Variants in RAB11FIP3 observed in about 807,000 individuals in gnomAD.
The protein encoded by RAB11FIP3 is RAB11 family interacting protein 3.
A neutral mutation model predicts 77.8 loss-of-function variants in RAB11FIP3; 17 were observed. The observed-to-expected ratio is 0.22, with a 90% CI of 0.15 to 0.33. The LOEUF (loss-of-function observed/expected upper bound fraction) is 0.33. Ranked by LOEUF, RAB11FIP3 falls within the 10% of genes least tolerant of loss-of-function variation. The probability of loss-of-function intolerance (pLI) is 1.00; values close to 1 mark genes in which losing one functional copy is unlikely to be tolerated. For synonymous variants in RAB11FIP3, 437 were observed against 448.2 expected, an observed-to-expected ratio of 0.98 and a Z score of 0.31; for missense variants, 1,005 against 1,011.2, an observed-to-expected ratio of 0.99 and a Z score of 0.08.
chr16:459,020 CAT>C (rs1285224005), intron 1 of RAB11FIP3, among the ~76,000 whole-genome samples: 1 of 151,934 alleles, frequency 6.6e-6, no homozygotes, highest in African/African-American at 2.4e-5. Context: ...TATTTCAGTA[CAT>C]GTGTCTAAAA....
intron 9 of RAB11FIP3, among the ~76,000 whole-genome samples, chr16:515,331 G>C (rs2032350023): frequency 6.6e-6 from 1 of 152,256 alleles, no homozygotes; most frequent in African/African-American, 2.4e-5. Context: ...GAGGCGGAGA[G>C]TGGAACTTAG....
In RAB11FIP3 at chr16:426,258, C is replaced by G; in HGVS notation, c.252C>G (p.Asp84Glu). Residue 84 changes from aspartate to glutamate, a missense_variant, in exon 1 of 14, where the codon GAC (aspartate) becomes GAG (glutamate). Around this residue, in one of 4 missense-constraint regions of RAB11FIP3, gnomAD observed 466 missense variants for 408.3 expected, o/e 1.14. Transcript: ENST00000262305. This position sits in a 1 kb window ranked among gnomAD's most constrained non-coding sequence, Gnocchi z 5.0. ...CGGGGCTGGAGGGAGGCCCGCGAGA[C>G]CCCGGGCCGTCCGCCCCGCCGCCGC... The part of the protein sequence containing the change: ...PAPGLEGGPR[D>E]PGPSAPPPRS... 1 of 1,163,804 alleles carries G rather than the reference C, an allele frequency of 8.6e-7. No homozygotes were observed. 72.1% of individuals were successfully genotyped at this position (1,163,804 alleles called of 1,614,324 possible). A position where few individuals can be genotyped will look rare whatever the true frequency, so the allele number is the denominator to read the frequency against.
rs2055801605 is a variant in RAB11FIP3, at chr16:471,189, C to T, written c.809-106C>T. 1.1e-6 allele frequency: 1 copy of T among 899,548 alleles called. No homozygotes were observed. The highest frequency in any genetic ancestry group is 1.8e-6 in the Non-Finnish European group (1 of 560,982). The allele number at this position is 899,548 out of a possible 1,614,324, so 55.7% of individuals were successfully genotyped here. A position where few individuals can be genotyped will look rare whatever the true frequency, so the allele number is the denominator to read the frequency against. On this transcript the variant is annotated intron_variant, in intron 2 of 13. Coordinates refer to ENST00000262305, the MANE Select transcript of RAB11FIP3 (RefSeq NM_014700.4). The surrounding 1 kb of genome is among the most constrained non-coding windows in gnomAD (Gnocchi z 4.4). ...CCCCCCAGGGCCCCCAACTCCCACA[C>T]ATCTGTCCCTGGGGGCCTCCTTCCC...
chr16:458,019 A>T (rs1354182088), intron 1 of RAB11FIP3, among the ~76,000 whole-genome samples: 2 of 152,246 alleles, frequency 1.3e-5, no homozygotes, highest in African/African-American at 4.8e-5. Flanking sequence ...GAGCCCTAGG[A>T]TTGGGGCGAT....
At chr16:429,314 T>C (rs1358428851) in intron 1 of RAB11FIP3, among the ~76,000 whole-genome samples, 2 of 152,074 alleles carry the variant, frequency 1.3e-5, no homozygotes, top group South Asian at 4.1e-4. Flanking sequence ...AAGATACCGA[T>C]TCTTTTAAAG....
Position 521,494 on chromosome 16 carries a change from C to A in RAB11FIP3, c.*655C>A, listed in dbSNP as rs1389392145. 6.5e-6 allele frequency: 1 copy of A among 153,412 alleles called. No homozygotes were observed. Among genetic ancestry groups the A allele is most frequent in the African/African-American group, 2.4e-5 (1 of 41,490 alleles). The allele number at this position is 153,412 out of a possible 1,614,324, so 9.5% of individuals were successfully genotyped here. On this transcript the variant is annotated 3_prime_UTR_variant, in exon 14 of 14. Coordinates refer to ENST00000262305, the MANE Select transcript of RAB11FIP3 (RefSeq NM_014700.4). ...GCCATTGCCCAGCCAGATGTGGTCA[C>A]CTCAGTCCAGCTCTGGGGCCTCCAG... is the stretch of plus-strand genomic sequence containing the variant.
rs2141916630 is a variant in RAB11FIP3 at position 521,151 on chromosome 16, A to G, written c.*312A>G. The G allele has an allele frequency of 2.2e-6, 1 of 456,052 alleles. No homozygotes were observed. The highest frequency in any genetic ancestry group is 4.0e-6 in the Non-Finnish European group (1 of 247,252). The allele number at this position is 456,052 out of a possible 1,614,324, so 28.3% of individuals were successfully genotyped here. A position where few individuals can be genotyped will look rare whatever the true frequency, so the allele number is the denominator to read the frequency against. On this transcript the variant is annotated 3_prime_UTR_variant, in exon 14 of 14. Coordinates refer to ENST00000262305, the MANE Select transcript of RAB11FIP3 (RefSeq NM_014700.4). Reference sequence around the variant, plus strand: ...TTCCCAGCCCTGAGTCAAGCTGGCCATGAACGCGTACACTTCAGTTCAGCA... The same window carrying G: ...TTCCCAGCCCTGAGTCAAGCTGGCCGTGAACGCGTACACTTCAGTTCAGCA...
chr16:452,907 A>T lies in RAB11FIP3; in HGVS notation c.715-8497A>T, dbSNP rs190534484. ...GTAGTTGGGACTACAGGCGCCCGCCACCACGCCCGGCTAATTTTTTGTATT... is the reference window on the plus strand; with the variant it reads ...GTAGTTGGGACTACAGGCGCCCGCCTCCACGCCCGGCTAATTTTTTGTATT... On this transcript the variant is annotated intron_variant, in intron 1 of 13. Transcript: ENST00000262305. Among the ~76,000 whole-genome samples, 177 of 64,772 alleles carry T rather than the reference A, an allele frequency of 2.7e-3. 24 individuals are homozygous for T. In the East Asian group the frequency reaches 0.06, roughly 22 times the overall value. The allele number at this position is 64,772 out of a possible 152,430, so 42.5% of individuals were successfully genotyped here. A position where few individuals can be genotyped will look rare whatever the true frequency, so the allele number is the denominator to read the frequency against.
chr16:434,322 C>T (rs957354640), intron 1 of RAB11FIP3, among the ~76,000 whole-genome samples: 1 of 152,212 alleles, frequency 6.6e-6, no homozygotes, highest in Non-Finnish European at 1.5e-5. Context: ...GGGGTTTCGC[C>T]ATGTTAGCCC....
chr16:510,529 A>T, intron 8 of RAB11FIP3, 131 bp from the exon 9 acceptor site: 1 of 1,050,898 alleles, frequency 9.5e-7, no homozygotes, highest in Non-Finnish European at 1.3e-6. Flanking sequence ...GAGCTCGGGG[A>T]TGCCCTTCTC....
At chr16:440,862 C>T (rs568308915) in intron 1 of RAB11FIP3, among the ~76,000 whole-genome samples, 3 of 152,088 alleles carry the variant, frequency 2.0e-5, no homozygotes, top group Non-Finnish European at 2.9e-5. Context: ...GGCACAGGCC[C>T]GCCTGGCTGC....
chr16:426,146 G>T lies in RAB11FIP3; in HGVS notation c.140G>T (p.Gly47Val). 9.9e-7 allele frequency: 1 copy of T among 1,013,386 alleles called. No homozygotes were observed. Among genetic ancestry groups the T allele is most frequent in the Non-Finnish European group, 1.2e-6 (1 of 850,032 alleles). The allele number at this position is 1,013,386 out of a possible 1,614,324, so 62.8% of individuals were successfully genotyped here. A position where few individuals can be genotyped will look rare whatever the true frequency, so the allele number is the denominator to read the frequency against. The change falls in exon 1 of 14, where the codon GGC becomes GTC. Residue 47 changes from glycine (G) to valine (V), a missense_variant. This residue lies in a region of RAB11FIP3 where 466 missense variants were observed against 408.3 expected (regional missense o/e 1.14). Coordinates refer to ENST00000262305, the MANE Select transcript of RAB11FIP3 (RefSeq NM_014700.4). This position sits in a 1 kb window ranked among gnomAD's most constrained non-coding sequence, Gnocchi z 5.0. ...AELRLGAPVG[G>V]PDPQSPGLDE... Reference sequence around the variant, plus strand: ...CTACGCCTCGGAGCGCCCGTCGGCGGCCCCGACCCGCAGTCCCCGGGCCTG... The same window carrying T: ...CTACGCCTCGGAGCGCCCGTCGGCGTCCCCGACCCGCAGTCCCCGGGCCTG...
At chr16:488,711 C>T (rs1596264477) in intron 4 of RAB11FIP3, 140 bp from the exon 5 acceptor site, 7 of 581,090 alleles carry the variant, frequency 1.2e-5, no homozygotes, top group South Asian at 4.1e-5. Flanking sequence ...ATCCAGCCCA[C>T]TTTTTTTTTT....
chr16:465,107 C>G (rs977697965), intron 2 of RAB11FIP3, among the ~76,000 whole-genome samples: 1 of 152,112 alleles, frequency 6.6e-6, no homozygotes, highest in South Asian at 2.1e-4. Flanking sequence ...AGCTTGGTCT[C>G]AGTCGCAGGG....
Position 519,816 on chromosome 16 carries a change from G to C in RAB11FIP3, c.1785G>C (p.Glu595Asp), listed in dbSNP as rs781697637. The C allele has an allele frequency of 2.8e-5, 45 of 1,607,120 alleles. No homozygotes were observed. Among genetic ancestry groups the C allele is most frequent in the Non-Finnish European group, 3.7e-5 (43 of 1,177,118 alleles). Residue 595 changes from glutamate to aspartate, a missense_variant, in exon 11 of 14, where the codon GAG becomes GAC. Glu to Asp is a conservative substitution (Grantham distance 45). This residue lies in a region of RAB11FIP3 where 433 missense variants were observed against 436.1 expected (regional missense o/e 0.99). Transcript: ENST00000262305. ...CGCTGCGGCTCAGTGAAGAGCAGGA[G>C]AACAAGAGGAGAATGGGGGACAGGC... ...SLTLRLSEEQ[E>D]NKRRMGDRLS...
Position 505,811 on chromosome 16 carries a change from C to T in RAB11FIP3, c.1499+184C>T, listed in dbSNP as rs566542545. 2.0e-5 allele frequency among the ~76,000 whole-genome samples: 3 copies of T among 152,268 alleles called. No individual in the cohort carries two copies. The highest frequency in any genetic ancestry group is 2.1e-4 in the South Asian group (1 of 4,822). ...GCCTACCCAGTGGGCTGCAGGCAGGCGACCCGAGGCTCTGACTGGTGCTCT... is the reference window on the plus strand; with the variant it reads ...GCCTACCCAGTGGGCTGCAGGCAGGTGACCCGAGGCTCTGACTGGTGCTCT... On this transcript the variant is annotated intron_variant, in intron 8 of 13. Transcript: ENST00000262305. The surrounding 1 kb of genome is among the most constrained non-coding windows in gnomAD (Gnocchi z 4.0).
intron 1 of RAB11FIP3, among the ~76,000 whole-genome samples, chr16:431,783 G>A (rs1011802644): frequency 6.7e-6 from 1 of 150,024 alleles, no homozygotes; most frequent in African/African-American, 2.5e-5. Flanking sequence ...TTGAGATGGA[G>A]TCTCGCTCTG....
intron 5 of RAB11FIP3, among the ~76,000 whole-genome samples, chr16:491,983 C>A (rs946826139): frequency 6.6e-6 from 1 of 152,158 alleles, no homozygotes. Flanking sequence ...GGGACCTGGC[C>A]TGTGGGGAGG....
chr16:477,635 G>C, intron 3 of RAB11FIP3: 1 of 985,490 alleles, frequency 1.0e-6, no homozygotes, highest in Non-Finnish European at 1.2e-6. Flanking sequence ...CGTCCTGCAG[G>C]AGTGGGAGCT....
Sources: gnomAD v4.1 joint callset for allele counts (sites outside exome capture counted in the v4.1 genomes callset) on GRCh38, gnomAD v4.1.1 for gene constraint, gnomAD v4.1.1 regional missense constraint, Gnocchi (gnomAD v3.1) non-coding constraint, MANE v1.5 for transcripts, NCBI Gene and HGNC (gene_info 2026-07-23, HGNC 2026-07-21) for gene names.